The following WDFY3 variants were observed in gnomAD, a reference collection of about 807,000 sequenced individuals.
WDFY3 encodes WD repeat and FYVE domain-containing protein 3.
WDFY3 carries 66 observed loss-of-function variants against 409.6 expected under a neutral mutation model. That is an observed-to-expected ratio of 0.16 (90% CI 0.13 to 0.20). The LOEUF is 0.20. WDFY3 is among the 10% of genes least tolerant of loss of function. The probability of loss-of-function intolerance (pLI) is 1.00; values close to 1 mark genes in which losing one functional copy is unlikely to be tolerated. For missense variants in WDFY3, 3,031 were observed against 4,298.1 expected (o/e 0.71, Z 8.24); for synonymous variants, 1,521 against 1,537.1 (o/e 0.99, Z 0.25).
In WDFY3 at chr4:84,794,508, A is replaced by T; in HGVS notation, c.3487+11T>A. ...TATAATCAAAAGAAGAAAACAAAAAAAAATACTGACCATAATTTTGGAGGA... is the reference window on the plus strand; with the variant it reads ...TATAATCAAAAGAAGAAAACAAAAATAAATACTGACCATAATTTTGGAGGA... On this transcript the variant is annotated intron_variant, in intron 21 of 67. Transcript: ENST00000295888. The T allele has an allele frequency of 1.2e-6, 2 of 1,606,186 alleles. No individual in the cohort carries two copies. Among genetic ancestry groups the T allele is most frequent in the Non-Finnish European group, 1.7e-6 (2 of 1,177,918 alleles).
chr4:84,694,588 T>C lies in WDFY3; in HGVS notation c.8901+1382A>G, dbSNP rs547027092. Among the ~76,000 whole-genome samples, 5 of 152,316 alleles carry C rather than the reference T, an allele frequency of 3.3e-5. No homozygotes were observed. The South Asian group carries it at 1.0e-3, about 32-fold the overall frequency. On this transcript the variant is annotated intron_variant, in intron 58 of 67. Coordinates refer to ENST00000295888, the MANE Select transcript of WDFY3 (RefSeq NM_014991.6). Reference sequence around the variant, plus strand: ...GAAAAAAGTTAACTAAATAAAGGTATAGCTAATATTCTTCAACTGTGAATA... The same window carrying C: ...GAAAAAAGTTAACTAAATAAAGGTACAGCTAATATTCTTCAACTGTGAATA...
intron 5 of WDFY3, among the ~76,000 whole-genome samples, chr4:84,843,846 A>G (rs1308860656): frequency 6.6e-6 from 1 of 152,212 alleles, no homozygotes; most frequent in Non-Finnish European, 1.5e-5. Context: ...AACTTTGGGT[A>G]AAAAATGCCC....
rs1042486435 is a variant in WDFY3 at position 84,692,811 on chromosome 4, T to C, written c.9049+74A>G. 15 of 1,447,780 alleles carry C rather than the reference T, an allele frequency of 1.0e-5. No individual in the cohort carries two copies. In the Middle Eastern group the frequency reaches 7.4e-4, roughly 71 times the overall value. 89.7% of individuals were successfully genotyped at this position (1,447,780 alleles called of 1,614,324 possible). A position where few individuals can be genotyped will look rare whatever the true frequency, so the allele number is the denominator to read the frequency against. On this transcript the variant is annotated intron_variant, in intron 59 of 67. Transcript: ENST00000295888. ...ATTATGCTATCGTCAAAAAGCAAAT[T>C]TGTTATTGTTAAACTGGGATTATTA...
At chr4:84,951,017 T>G (rs956502312) in intron 1 of WDFY3, among the ~76,000 whole-genome samples, 3 of 152,218 alleles carry the variant, frequency 2.0e-5, no homozygotes, top group Non-Finnish European at 4.4e-5. Flanking sequence ...TCCCTATTCA[T>G]TAATAAACAC....
intron 15 of WDFY3, among the ~76,000 whole-genome samples, chr4:84,805,127 T>G (rs1751301038): frequency 2.0e-5 from 3 of 152,164 alleles, no homozygotes. Context: ...TACATAAAAT[T>G]ATCTTCTGGC....
intron 3 of WDFY3, among the ~76,000 whole-genome samples, chr4:84,895,326 T>C (rs1765492888): frequency 1.3e-5 from 2 of 152,310 alleles, no homozygotes; most frequent in African/African-American, 2.4e-5. Flanking sequence ...TAAAGTGCTA[T>C]GGAGAACACA....
chr4:84,902,710 C>G (rs775416089), intron 2 of WDFY3, among the ~76,000 whole-genome samples: 13 of 152,154 alleles, frequency 8.5e-5, no homozygotes, highest in African/African-American at 2.2e-4. Flanking sequence ...AAAGGAAAAG[C>G]CTTTTTCTCC....
At chr4:84,830,746 C>T (rs1249906068) in intron 8 of WDFY3, among the ~76,000 whole-genome samples, 1 of 152,072 alleles carries the variant, frequency 6.6e-6, no homozygotes, top group Admixed American at 6.6e-5. Flanking sequence ...GTAACTTATG[C>T]AATATCTTCA....
Position 84,757,079 on chromosome 4 carries a change from T to C in WDFY3, c.5271A>G (p.Pro1757=). ...NRDACHFPGF[P]VLQSFLPKHT... ...GTTTAGGAAGGAATGACTGAAGGACTGGAAAACCAGGAAAATGACAAGCAT... is the reference window on the plus strand; with the variant it reads ...GTTTAGGAAGGAATGACTGAAGGACCGGAAAACCAGGAAAATGACAAGCAT... The change falls in exon 33 of 68, where the codon CCA becomes CCG. Residue 1757 remains proline, a synonymous_variant. Transcript: ENST00000295888. 1 of 1,614,026 alleles carries C rather than the reference T, an allele frequency of 6.2e-7. No individual in the cohort carries two copies.
At chr4:84,698,186 G>T (rs1730455549) in intron 56 of WDFY3, among the ~76,000 whole-genome samples, 3 of 151,746 alleles carry the variant, frequency 2.0e-5, no homozygotes, top group African/African-American at 7.3e-5. Flanking sequence ...TTATTTGATA[G>T]AATTTTATTT....
At chr4:84,929,469 GC>G (rs371877964) in intron 2 of WDFY3, among the ~76,000 whole-genome samples, 1,973 of 136,334 alleles carry the variant, frequency 0.014, 15 homozygotes, top group Middle Eastern at 0.029. Context: ...ATTGAATTGC[GC>G]CCCCCCCCCC....
chr4:84,761,957 G>GA (rs1418196963), intron 32 of WDFY3, among the ~76,000 whole-genome samples: 7 of 152,046 alleles, frequency 4.6e-5, no homozygotes, highest in Admixed American at 4.6e-4. Flanking sequence ...AAAAAGTCAG[G>GA]AAACAACAGG....
intron 3 of WDFY3, among the ~76,000 whole-genome samples, chr4:84,888,543 A>G (rs998146952): frequency 6.6e-6 from 1 of 152,140 alleles, no homozygotes; most frequent in African/African-American, 2.4e-5. Context: ...TTCCAAAATG[A>G]TGACTTTTGA....
intron 50 of WDFY3, among the ~76,000 whole-genome samples, chr4:84,714,863 T>C (rs1393557527): frequency 2.0e-5 from 3 of 149,118 alleles, no homozygotes; most frequent in African/African-American, 5.0e-5. Flanking sequence ...GGCAGGAGAA[T>C]GGCGTGAACC....
intron 10 of WDFY3, among the ~76,000 whole-genome samples, chr4:84,824,008 A>G (rs1038603183): frequency 3.9e-5 from 6 of 152,192 alleles, no homozygotes; most frequent in African/African-American, 1.4e-4. Context: ...TGATAGTCAA[A>G]TAAATGTCCA....
intron 4 of WDFY3, among the ~76,000 whole-genome samples, chr4:84,858,230 T>C (rs574431719): frequency 6.6e-6 from 1 of 152,222 alleles, no homozygotes; most frequent in Non-Finnish European, 1.5e-5. Flanking sequence ...GACAACCCAA[T>C]AAGGTTGACA....
chr4:84,678,595 CA>C (rs1560512175), intron 65 of WDFY3, among the ~76,000 whole-genome samples: 1 of 152,188 alleles, frequency 6.6e-6, no homozygotes, highest in African/African-American at 2.4e-5. Context: ...AAGTTACCTG[CA>C]AATGCAGTTT....
At position 84,690,521 on chromosome 4, in the gene WDFY3, G is replaced by C. The variant is rs139515171; in HGVS notation, c.9348C>G (p.Thr3116=). 1.9e-6 allele frequency: 3 copies of C among 1,614,036 alleles called. No homozygotes were observed. The highest frequency in any genetic ancestry group is 3.3e-5 in the Admixed American group (2 of 59,998). Residue 3116 remains threonine, a synonymous_variant, in exon 61 of 68, where the codon ACC becomes ACG. Coordinates refer to ENST00000295888, the MANE Select transcript of WDFY3 (RefSeq NM_014991.6). The part of the protein sequence containing the change: ...EMGTSKEKAK[T]VTLKQALLGH... ...TCTCTCTTACCTGTTTGAGGGTGAC[G>C]GTCTTGGCCTTTTCTTTGGAGGTGC...
chr4:84,865,061 G>GT (rs1560955780), intron 3 of WDFY3, among the ~76,000 whole-genome samples: 3 of 151,784 alleles, frequency 2.0e-5, no homozygotes, highest in Admixed American at 6.6e-5. Flanking sequence ...TCTAATTTTT[G>GT]TATTTTTTGT....
Sources: gnomAD v4.1 joint callset for allele counts (sites outside exome capture counted in the v4.1 genomes callset) on GRCh38, gnomAD v4.1.1 for gene constraint, MANE v1.5 for transcripts, NCBI Gene and HGNC (gene_info 2026-07-23, HGNC 2026-07-21) for gene names.